TMC1: variants seen among roughly 807,000 people sequenced by gnomAD.
TMC1 encodes transmembrane channel like 1.
Under a neutral mutation model 105.8 loss-of-function variants are expected in TMC1, and 84 were observed. The observed-to-expected ratio is 0.79, with a 90% CI of 0.67 to 0.95. The LOEUF (loss-of-function observed/expected upper bound fraction) is 0.95. Among genes scored for constraint, TMC1 ranks in the 40% least tolerant of loss-of-function variants. The probability of loss-of-function intolerance (pLI) is 0.00; values close to 1 mark genes in which losing one functional copy is unlikely to be tolerated. For synonymous variants in TMC1, 315 were observed against 311.5 expected (o/e 1.01, Z -0.12); for missense variants, 817 against 914.1 (o/e 0.89, Z 1.37).
intron 13 of TMC1, among the ~76,000 whole-genome samples, chr9:72,780,282 A>G (rs1002645760): frequency 1.3e-5 from 2 of 152,216 alleles, no homozygotes; most frequent in Non-Finnish European, 2.9e-5. Context: ...GAAATAAAAA[A>G]CTGTTACCAA....
chr9:72,792,429 T>C, intron 17 of TMC1, 77 bp downstream of exon 17: 1 of 1,567,782 alleles, frequency 6.4e-7, no homozygotes, highest in Non-Finnish European at 8.8e-7. Context: ...TAAGATTGGC[T>C]TTTAAAAAAT....
intron 19 of TMC1, among the ~76,000 whole-genome samples, chr9:72,817,537 T>C (rs1020398935): frequency 2.6e-5 from 4 of 152,144 alleles, no homozygotes; most frequent in Admixed American, 6.5e-5. Context: ...ATGGGAGTAA[T>C]GAGAAACCAC....
At chr9:72,689,742 G>A (rs562917565) in intron 6 of TMC1, among the ~76,000 whole-genome samples, 3 of 152,118 alleles carry the variant, frequency 2.0e-5, no homozygotes, top group Admixed American at 1.3e-4. Flanking sequence ...TATTTTGTCC[G>A]ATGTAAGTAT....
intron 4 of TMC1, among the ~76,000 whole-genome samples, chr9:72,632,719 A>C (rs1189444670): frequency 1.4e-5 from 2 of 147,570 alleles, no homozygotes; most frequent in East Asian, 3.9e-4. Context: ...AATTGAAAAC[A>C]AAAAAAAATG....
At chr9:72,676,590 A>T (rs1205545608) in intron 5 of TMC1, among the ~76,000 whole-genome samples, 1 of 152,208 alleles carries the variant, frequency 6.6e-6, no homozygotes, top group African/African-American at 2.4e-5. Flanking sequence ...ATAAAACTGT[A>T]GCAGAGCCAA....
In TMC1 at chr9:72,835,933, T is replaced by TTTTCTTTTTTG; in HGVS notation, c.2261-16_2261-15insTCTTTTTTGTT. On this transcript the variant is annotated splice_polypyrimidine_tract_variant and intron_variant, in intron 23 of 23. Coordinates refer to ENST00000297784, the MANE Select transcript of TMC1 (RefSeq NM_138691.3). ...TCTCCTTGTTTTTTTTTTTTTTTTT[T>TTTTCTTTTTTG]TTCTGTTTTGTGAACAGCTGCAGCT... 1 of 1,577,478 alleles carries TTTTCTTTTTTG rather than the reference T, an allele frequency of 6.3e-7. No individual in the cohort carries two copies. Among genetic ancestry groups the TTTTCTTTTTTG allele is most frequent in the Admixed American group, 1.8e-5 (1 of 55,906 alleles).
intron 21 of TMC1, among the ~76,000 whole-genome samples, chr9:72,830,233 T>C (rs1439430218): frequency 6.6e-6 from 1 of 152,154 alleles, no homozygotes; most frequent in African/African-American, 2.4e-5. Context: ...GCCCCAACTT[T>C]CCAACTTCAC....
intron 18 of TMC1, among the ~76,000 whole-genome samples, chr9:72,805,830 A>C (rs1051335999): frequency 3.3e-5 from 5 of 152,182 alleles, no homozygotes; most frequent in African/African-American, 1.2e-4. Flanking sequence ...GAGTGGACAC[A>C]GCACATGTTT....
rs71359515 is a variant in TMC1 at position 72,685,100 on chromosome 9, C to CTTTTTTTTTTT, written c.17-3595_17-3585dup. ...CAAACCTTACTGTTATAAAGTCATTCTTTTTTTTTTTTTTTTTTTTTTTTG... is the reference window on the plus strand; with the variant it reads ...CAAACCTTACTGTTATAAAGTCATTCTTTTTTTTTTTTTTTTTTTTTTTTTTTTTTTTTTTG... On this transcript the variant is annotated intron_variant, in intron 5 of 23. Transcript: ENST00000297784. Among the ~76,000 whole-genome samples the CTTTTTTTTTTT allele has an allele frequency of 4.5e-4, 41 of 91,044 alleles. 3 individuals carry two copies. Among genetic ancestry groups the CTTTTTTTTTTT allele is most frequent in the African/African-American group, 1.9e-3 (40 of 21,116 alleles). The allele number at this position is 91,044 out of a possible 152,430, so 59.7% of individuals were successfully genotyped here. A position where few individuals can be genotyped will look rare whatever the true frequency, so the allele number is the denominator to read the frequency against.
chr9:72,586,011 C>G (rs1457601219), intron 2 of TMC1, among the ~76,000 whole-genome samples: 2 of 152,178 alleles, frequency 1.3e-5, no homozygotes, highest in African/African-American at 4.8e-5. Context: ...ATTTCACAAC[C>G]AGCAGCTGCA....
At chr9:72,806,817 C>G (rs1304000101) in intron 18 of TMC1, among the ~76,000 whole-genome samples, 1 of 144,638 alleles carries the variant, frequency 6.9e-6, no homozygotes, top group Admixed American at 6.9e-5. Flanking sequence ...ACATCCCAGA[C>G]GATGGGCGGC....
At position 72,788,329 on chromosome 9, in the gene TMC1, G is replaced by T; in HGVS notation, c.885-10G>T. 6.2e-7 allele frequency: 1 copy of T among 1,613,904 alleles called. No individual in the cohort carries two copies. Among genetic ancestry groups the T allele is most frequent in the Non-Finnish European group, 8.5e-7 (1 of 1,179,874 alleles). ...TTCTGGCTGCTGGGTTAAACTTCCT[G>T]TTTTTGCAGAATGACCAAAAACATT... On this transcript the variant is annotated splice_polypyrimidine_tract_variant and intron_variant, in intron 13 of 23. Coordinates refer to ENST00000297784, the MANE Select transcript of TMC1 (RefSeq NM_138691.3).
At chr9:72,590,892 A>C (rs577566368) in intron 2 of TMC1, among the ~76,000 whole-genome samples, 1 of 152,070 alleles carries the variant, frequency 6.6e-6, no homozygotes, top group Non-Finnish European at 1.5e-5. Flanking sequence ...GCCCTACCCC[A>C]CTCTTACCTA....
intron 1 of TMC1, among the ~76,000 whole-genome samples, chr9:72,532,909 T>A (rs1004400688): frequency 6.6e-6 from 1 of 152,210 alleles, no homozygotes; most frequent in Non-Finnish European, 1.5e-5. Context: ...ACCTTATGGC[T>A]CTGAATTGCT....
intron 5 of TMC1, among the ~76,000 whole-genome samples, chr9:72,670,474 G>T (rs1333576442): frequency 1.3e-5 from 2 of 152,134 alleles, no homozygotes; most frequent in African/African-American, 4.8e-5. Flanking sequence ...ATATCTAGCA[G>T]TCAGTAAGGT....
At chr9:72,532,679 C>G (rs1564393892) in intron 1 of TMC1, among the ~76,000 whole-genome samples, 1 of 149,964 alleles carries the variant, frequency 6.7e-6, no homozygotes, top group Non-Finnish European at 1.5e-5. Flanking sequence ...TTCTCAGATG[C>G]TATGCTGATT....
chr9:72,678,536 A>C (rs565577042), intron 5 of TMC1, among the ~76,000 whole-genome samples: 23 of 151,800 alleles, frequency 1.5e-4, no homozygotes, highest in Non-Finnish European at 3.1e-4. Flanking sequence ...AGTGTGAGTA[A>C]TAACTATCAT....
At chr9:72,742,324 G>A in intron 9 of TMC1, 120 bp from the exon 10 acceptor site, 2 of 788,512 alleles carry the variant, frequency 2.5e-6, no homozygotes, top group Admixed American at 2.0e-5. Flanking sequence ...CTAGAAAGTA[G>A]TATTTGCTGC....
chr9:72,835,914 T>TG (rs767911063), intron 23 of TMC1, 37 bp from the exon 24 acceptor site: 2 of 1,533,040 alleles, frequency 1.3e-6, no homozygotes, highest in Admixed American at 1.8e-5. Flanking sequence ...TCTCTCTCCT[T>TG]GTTTTTTTTT....
Sources: gnomAD v4.1 joint callset for allele counts (sites outside exome capture counted in the v4.1 genomes callset) on GRCh38, gnomAD v4.1.1 for gene constraint, MANE v1.5 for transcripts, NCBI Gene and HGNC (gene_info 2026-07-23, HGNC 2026-07-21) for gene names.